Variants in BMPR2 observed in about 807,000 individuals in gnomAD.
BMPR2 encodes the protein bone morphogenetic protein receptor type 2, also known as bone morphogenetic protein receptor type-2.
In BMPR2, 29 loss-of-function variants were observed where a neutral mutation model predicts 100.8. That is an observed-to-expected ratio of 0.29 (90% CI 0.21 to 0.39). The LOEUF is 0.39. Ranked by LOEUF, BMPR2 falls within the 10% of genes least tolerant of loss-of-function variation. BMPR2 has a pLI of 1.00. For missense variants in BMPR2, 1,011 were observed against 1,274.5 expected, an observed-to-expected ratio of 0.79 and a Z score of 3.15; for synonymous variants, 382 against 442.3, an observed-to-expected ratio of 0.86 and a Z score of 1.71.
chr2:202,492,215 TAGG>T (rs1692915887), intron 3 of BMPR2, among the ~76,000 whole-genome samples: 1 of 152,092 alleles, frequency 6.6e-6, no homozygotes, highest in African/African-American at 2.4e-5. Flanking sequence ...TAGGAGCAGG[TAGG>T]AGACTTTTGG....
intron 6 of BMPR2, 147 bp from the exon 7 acceptor site, chr2:202,519,936 CTCTT>C (rs1465682585): frequency 1.6e-6 from 1 of 636,564 alleles, no homozygotes; most frequent in Non-Finnish European, 2.8e-6. Flanking sequence ...GTCATACTAA[CTCTT>C]TCAAGATTCT....
At chr2:202,534,338 T>G (rs1351888823) in intron 9 of BMPR2, among the ~76,000 whole-genome samples, 1 of 151,610 alleles carries the variant, frequency 6.6e-6, no homozygotes, top group Non-Finnish European at 1.5e-5. Flanking sequence ...AGGACAATAG[T>G]GGAGGGAAGG....
chr2:202,395,266 T>C (rs1690637424), intron 1 of BMPR2, among the ~76,000 whole-genome samples: 1 of 152,242 alleles, frequency 6.6e-6, no homozygotes, highest in African/African-American at 2.4e-5. Flanking sequence ...CTTTCAACTT[T>C]TAAATTCTGT....
At chr2:202,486,024 C>T (rs1692771023) in intron 3 of BMPR2, among the ~76,000 whole-genome samples, 1 of 151,974 alleles carries the variant, frequency 6.6e-6, no homozygotes, top group Admixed American at 6.6e-5. Flanking sequence ...CAGACCATCC[C>T]AAGCATTGAA....
At chr2:202,525,857 C>CTTTTTTTTTTTTTT (rs386392340) in intron 7 of BMPR2, among the ~76,000 whole-genome samples, 2 of 69,362 alleles carry the variant, frequency 2.9e-5, no homozygotes, top group Non-Finnish European at 2.5e-5. Flanking sequence ...TTCAGAGCAT[C>CTTTTTTTTTTTTTT]TTTTTTTTTT....
Position 202,466,645 on chromosome 2 carries a change from T to C in BMPR2, c.248-874T>C, listed in dbSNP as rs80044343. ...TTGTATTTTTGAGACAGAATGTCAC[T>C]CTGTCGCTCAGGATAGAGTGCAGTG... On this transcript the variant is annotated intron_variant, in intron 2 of 12. Coordinates refer to ENST00000374580, the MANE Select transcript of BMPR2 (RefSeq NM_001204.7). Among the ~76,000 whole-genome samples the C allele has an allele frequency of 3.9e-3, 586 of 151,426 alleles. 6 individuals carry two copies. The highest frequency in any genetic ancestry group is 0.014 in the African/African-American group (558 of 41,222).
At chr2:202,449,233 G>A (rs537748613) in intron 1 of BMPR2, among the ~76,000 whole-genome samples, 3 of 151,810 alleles carry the variant, frequency 2.0e-5, no homozygotes, top group South Asian at 2.1e-4. Context: ...GCTTGAAACC[G>A]GGAGGTGGAG....
intron 1 of BMPR2, among the ~76,000 whole-genome samples, chr2:202,444,495 G>T (rs1691811805): frequency 6.6e-6 from 1 of 150,606 alleles, no homozygotes; most frequent in Non-Finnish European, 1.5e-5. Context: ...TATGTAATTT[G>T]TTTTTTGTGT....
At chr2:202,485,639 C>T (rs1332863118) in intron 3 of BMPR2, among the ~76,000 whole-genome samples, 8 of 143,662 alleles carry the variant, frequency 5.6e-5, no homozygotes, top group East Asian at 2.2e-4. Context: ...CTCTGCCTCC[C>T]GGGTTCAACG....
At chr2:202,449,066 C>A (rs374961736) in intron 1 of BMPR2, among the ~76,000 whole-genome samples, 1 of 151,408 alleles carries the variant, frequency 6.6e-6, no homozygotes, top group Non-Finnish European at 1.5e-5. Context: ...ACCTGTAATC[C>A]CAGCACTTTG....
At chr2:202,486,669 G>A (rs905895247) in intron 3 of BMPR2, among the ~76,000 whole-genome samples, 3 of 150,352 alleles carry the variant, frequency 2.0e-5, no homozygotes, top group Non-Finnish European at 3.0e-5. Context: ...GCACATGTTC[G>A]TAGTCTTATT....
chr2:202,519,531 G>T (rs925791304), intron 6 of BMPR2, among the ~76,000 whole-genome samples: 5 of 152,112 alleles, frequency 3.3e-5, no homozygotes, highest in Non-Finnish European at 7.4e-5. Context: ...TATACTGTTT[G>T]TTTCGCTGTC....
chr2:202,383,525 A>G (rs1690344551), intron 1 of BMPR2, among the ~76,000 whole-genome samples: 1 of 152,128 alleles, frequency 6.6e-6, no homozygotes, highest in African/African-American at 2.4e-5. Context: ...TACTAAAAAT[A>G]CAAAATTAGC....
intron 9 of BMPR2, among the ~76,000 whole-genome samples, chr2:202,537,474 TAATTAA>T (rs1164987385): frequency 6.6e-6 from 1 of 152,184 alleles, no homozygotes; most frequent in East Asian, 1.9e-4. Flanking sequence ...TATGTAGGAT[TAATTAA>T]AATAGAAATA....
intron 1 of BMPR2, among the ~76,000 whole-genome samples, chr2:202,407,328 C>T (rs189294876): frequency 1.1e-3 from 164 of 152,210 alleles, no homozygotes; most frequent in Middle Eastern, 6.8e-3. Flanking sequence ...CCTGATCCAT[C>T]CTTCTTGGCC....
chr2:202,566,379 T>C lies in BMPR2; in HGVS notation c.*6433T>C, dbSNP rs1386139459. 1 of 152,648 alleles carries C rather than the reference T, an allele frequency of 6.6e-6. No homozygotes were observed. The highest frequency in any genetic ancestry group is 2.4e-5 in the African/African-American group (1 of 41,468). 9.5% of individuals were successfully genotyped at this position (152,648 alleles called of 1,614,324 possible). A position where few individuals can be genotyped will look rare whatever the true frequency, so the allele number is the denominator to read the frequency against. On this transcript the variant is annotated 3_prime_UTR_variant, in exon 13 of 13. Transcript: ENST00000374580. Reference sequence around the variant, plus strand: ...AGTGTTTGTTGCACAGTTCATTTAATGTTTCATCTTATTTGACTTTTTCAC... The same window carrying C: ...AGTGTTTGTTGCACAGTTCATTTAACGTTTCATCTTATTTGACTTTTTCAC...
chr2:202,376,542 G>GGCGGCAGCAGCA lies in BMPR2; in HGVS notation c.-927_-916dup, dbSNP rs1368674990. On this transcript the variant is annotated 5_prime_UTR_variant, in exon 1 of 13. Coordinates refer to ENST00000374580, the MANE Select transcript of BMPR2 (RefSeq NM_001204.7). ...CGGCGGCGGCGGCGGCGGCGGCGGC[G>GGCGGCAGCAGCA]GCGGCAGCAGCAGCGGCTTCCTCGG... 7.1e-6 allele frequency among the ~76,000 whole-genome samples: 1 copy of GGCGGCAGCAGCA among 141,414 alleles called. No homozygotes were observed. The highest frequency in any genetic ancestry group is 2.8e-4 in the South Asian group (1 of 3,562). 92.8% of individuals were successfully genotyped at this position (141,414 alleles called of 152,430 possible). A position where few individuals can be genotyped will look rare whatever the true frequency, so the allele number is the denominator to read the frequency against.
In BMPR2 at chr2:202,467,813, C is replaced by CT. The variant is rs1463310725; in HGVS notation, c.418+127dup. On this transcript the variant is annotated intron_variant, in intron 3 of 12. Coordinates refer to ENST00000374580, the MANE Select transcript of BMPR2 (RefSeq NM_001204.7). ...ATGGCTCATGCCTGTAATGCCAGCA[C>CT]TTTGGGAGGCCGAGGTGGATGGATC... 1.7e-5 allele frequency: 17 copies of CT among 988,114 alleles called. 1 individual carries two copies. In the African/African-American group the frequency reaches 2.1e-4, roughly 12 times the overall value. The allele number at this position is 988,114 out of a possible 1,614,324, so 61.2% of individuals were successfully genotyped here.
intron 1 of BMPR2, among the ~76,000 whole-genome samples, chr2:202,418,459 A>G (rs1691183035): frequency 6.6e-6 from 1 of 152,224 alleles, no homozygotes; most frequent in African/African-American, 2.4e-5. Flanking sequence ...ATTCTGAGCC[A>G]AATATGAGTG....
Sources: gnomAD v4.1 joint callset for allele counts (sites outside exome capture counted in the v4.1 genomes callset) on GRCh38, gnomAD v4.1.1 for gene constraint, MANE v1.5 for transcripts, NCBI Gene and HGNC (gene_info 2026-07-23, HGNC 2026-07-21) for gene names.